FRMPD4: variants seen among roughly 807,000 people sequenced by gnomAD.
FRMPD4 encodes FERM and PDZ domain-containing protein 4.
In FRMPD4, 22 loss-of-function variants were observed where a neutral mutation model predicts 94.1. That is an observed-to-expected ratio of 0.23 (90% CI 0.17 to 0.33). The LOEUF (loss-of-function observed/expected upper bound fraction) is 0.33. FRMPD4 is among the 10% of genes least tolerant of loss of function. The probability of loss-of-function intolerance (pLI) is 1.00; values close to 1 mark genes in which losing one functional copy is unlikely to be tolerated. For missense variants in FRMPD4, 1,111 were observed against 1,339.9 expected (o/e 0.83, Z 2.67); for synonymous variants, 631 against 548.6 (o/e 1.15, Z -2.10).
At chrX:11,914,463 G>C (rs192721977) in intron 3 of FRMPD4, among the ~76,000 whole-genome samples, 2 of 110,237 alleles carry the variant, frequency 1.8e-5, no homozygotes, top group Non-Finnish European at 3.8e-5. Context: ...GAGCATGCAA[G>C]TCTAACTAAA....
At chrX:11,846,205 C>T (rs1341019528) in intron 1 of FRMPD4, among the ~76,000 whole-genome samples, 6 of 108,489 alleles carry the variant, frequency 5.5e-5, no homozygotes, top group Admixed American at 9.9e-5. Context: ...AATCAAGGTA[C>T]AAAAATCACA....
intron 1 of FRMPD4, among the ~76,000 whole-genome samples, chrX:12,266,947 G>C (rs770069827): frequency 8.9e-6 from 1 of 112,118 alleles, no homozygotes; most frequent in Non-Finnish European, 1.9e-5. Flanking sequence ...CACCTAATTT[G>C]CTGAACATCA....
chrX:12,416,407 T>G (rs1049462626), intron 1 of FRMPD4, among the ~76,000 whole-genome samples: 1 of 112,143 alleles, frequency 8.9e-6, no homozygotes, highest in African/African-American at 3.2e-5. Flanking sequence ...GTTGTGGGAA[T>G]CCATTGTTAC....
intron 1 of FRMPD4, among the ~76,000 whole-genome samples, chrX:12,408,896 C>A (rs1407569115): frequency 1.8e-5 from 2 of 111,198 alleles, no homozygotes; most frequent in Non-Finnish European, 3.8e-5. Context: ...CTTTTTCTAT[C>A]TTTCTTTTCT....
intron 3 of FRMPD4, among the ~76,000 whole-genome samples, chrX:11,945,698 C>A (rs1051763764): frequency 3.6e-5 from 4 of 111,126 alleles, no homozygotes; most frequent in Non-Finnish European, 5.7e-5. Flanking sequence ...GTGCCAGGCT[C>A]CTTTTAACAA....
intron 3 of FRMPD4, among the ~76,000 whole-genome samples, chrX:11,898,107 C>A (rs189519300): frequency 1.3e-4 from 14 of 111,460 alleles, no homozygotes. Context: ...AAGAGGTCCT[C>A]ATGACTGAAA....
chrX:12,516,561 T>A (rs1032301700), intron 2 of FRMPD4, among the ~76,000 whole-genome samples: 3 of 111,678 alleles, frequency 2.7e-5, no homozygotes, highest in Non-Finnish European at 5.7e-5. Context: ...TGCTGAGAGA[T>A]CTGTTATTCT....
chrX:12,462,381 C>G (rs1164305300), intron 1 of FRMPD4, among the ~76,000 whole-genome samples: 1 of 112,017 alleles, frequency 8.9e-6, no homozygotes, highest in Non-Finnish European at 1.9e-5. Flanking sequence ...CTAAGAAGAA[C>G]AGAATGGATA....
chrX:12,470,789 T>A (rs2057502711), intron 1 of FRMPD4, among the ~76,000 whole-genome samples: 1 of 111,731 alleles, frequency 9.0e-6, no homozygotes, highest in Non-Finnish European at 1.9e-5. Context: ...GTTAAATGTA[T>A]CTTCTACATT....
At chrX:11,861,842 C>T (rs1267021971) in intron 1 of FRMPD4, among the ~76,000 whole-genome samples, 2 of 111,246 alleles carry the variant, frequency 1.8e-5, no homozygotes, top group African/African-American at 6.5e-5. Context: ...AAGAAATACC[C>T]GAGACTGGGT....
At chrX:12,123,783 T>C (rs1041557752) in intron 3 of FRMPD4, among the ~76,000 whole-genome samples, 4 of 111,467 alleles carry the variant, frequency 3.6e-5, no homozygotes, top group African/African-American at 1.3e-4. Flanking sequence ...TGGGGTGTTG[T>C]GCCTGTGCTA....
At chrX:12,093,602 CAA>C (rs11301557) in intron 3 of FRMPD4, among the ~76,000 whole-genome samples, 51 of 61,374 alleles carry the variant, frequency 8.3e-4, no homozygotes, top group African/African-American at 1.7e-3. Flanking sequence ...AAAACCAAGA[CAA>C]AAAAAAAAAA....
intron 1 of FRMPD4, 87 bp from the exon 2 acceptor site, chrX:12,498,593 G>T (rs1279898363): frequency 1.7e-6 from 1 of 586,059 alleles, no homozygotes; most frequent in East Asian, 3.3e-5. Flanking sequence ...TCTAAGAGGA[G>T]CAAGTCACAT....
At chrX:12,105,004 A>T (rs1302396661) in intron 3 of FRMPD4, among the ~76,000 whole-genome samples, 1 of 111,420 alleles carries the variant, frequency 9.0e-6, no homozygotes, top group Admixed American at 9.6e-5. Context: ...TCCTAGCTGC[A>T]CATTACCTTC....
chrX:12,272,542 A>T (rs2054370342), intron 1 of FRMPD4, among the ~76,000 whole-genome samples: 1 of 111,654 alleles, frequency 9.0e-6, no homozygotes, highest in African/African-American at 3.3e-5. Context: ...TGGGCCTAGG[A>T]TGAATTGTAG....
intron 2 of FRMPD4, among the ~76,000 whole-genome samples, chrX:12,566,250 A>C (rs1452446022): frequency 6.3e-5 from 7 of 111,384 alleles, no homozygotes; most frequent in Non-Finnish European, 1.3e-4. Flanking sequence ...GCGGAAAAAG[A>C]ACTGTGACAG....
At chrX:12,567,595 T>G (rs1026496405) in intron 2 of FRMPD4, among the ~76,000 whole-genome samples, 1 of 111,609 alleles carries the variant, frequency 9.0e-6, no homozygotes, top group Non-Finnish European at 1.9e-5. Context: ...ATTGAAATAG[T>G]TGGGTAGATG....
intron 1 of FRMPD4, among the ~76,000 whole-genome samples, chrX:12,390,418 T>C (rs1237322102): frequency 1.8e-5 from 2 of 112,385 alleles, no homozygotes; most frequent in East Asian, 5.6e-4. Flanking sequence ...TCTTTGCCTT[T>C]AACAAAATAT....
chrX:12,334,714 C>T (rs1009552144), intron 1 of FRMPD4, among the ~76,000 whole-genome samples: 16 of 110,718 alleles, frequency 1.4e-4, no homozygotes, highest in Non-Finnish European at 3.0e-4. Flanking sequence ...TTAAATTTGA[C>T]AAATCTTTAT....
Sources: allele counts gnomAD v4.1 joint callset (sites outside exome capture counted in the v4.1 genomes callset), GRCh38; gene constraint gnomAD v4.1.1; transcripts MANE v1.5; gene names NCBI Gene and HGNC (gene_info 2026-07-23, HGNC 2026-07-21).